The following USP40 variants were observed in gnomAD, a reference collection of about 807,000 sequenced individuals.
The protein encoded by USP40 is ubiquitin carboxyl-terminal hydrolase 40.
A neutral mutation model predicts 166.2 loss-of-function variants in USP40; 143 were observed. That is an observed-to-expected ratio of 0.86 (90% CI 0.75 to 0.99). The LOEUF (loss-of-function observed/expected upper bound fraction) is 0.99, where lower values mean the gene tolerates loss of function less well. USP40 is among the 50% of genes least tolerant of loss of function. The probability of loss-of-function intolerance (pLI) is 0.00; values close to 1 mark genes in which losing one functional copy is unlikely to be tolerated. For synonymous variants in USP40, 498 were observed against 524.0 expected (o/e 0.95, Z 0.68); for missense variants, 1,444 against 1,479.7 (o/e 0.98, Z 0.40).
intron 24 of USP40, 53 bp downstream of exon 24, chr2:233,496,705 A>C: frequency 6.8e-7 from 1 of 1,476,628 alleles, no homozygotes; most frequent in Non-Finnish European, 9.4e-7. Context: ...TCATCTCTGT[A>C]ATCAGATAAC....
At chr2:233,528,641 T>A (rs2068242670) in intron 12 of USP40, among the ~76,000 whole-genome samples, 2 of 152,236 alleles carry the variant, frequency 1.3e-5, no homozygotes, top group South Asian at 4.1e-4. Context: ...TTAAGATATT[T>A]CGCTCTGTTA....
chr2:233,523,251 T>C lies in USP40; in HGVS notation c.2120A>G (p.Glu707Gly), dbSNP rs1263067735. 3 of 1,613,888 alleles carry C rather than the reference T, an allele frequency of 1.9e-6. No individual in the cohort carries two copies. The African/African-American group carries it at 4.0e-5, about 22-fold the overall frequency. Residue 707 changes from glutamate to glycine, a missense_variant, in exon 16 of 32, where the codon GAA becomes GGA. Transcript: ENST00000678225. Reference protein sequence around the residue: ...GGEGWTAIPKEDMRKTFREQG... With the variant: ...GGEGWTAIPKGDMRKTFREQG... ...CTCCCTGAACGTCTTCCTCATGTCT[T>C]CCTTGGGGATGGCCGTCCAACCCTC...
rs192761868 is a variant in USP40, at chr2:233,556,024, G to A, written c.546+831C>T. On this transcript the variant is annotated intron_variant, in intron 5 of 31. Transcript: ENST00000678225. ...CCAGCTACTCGGGAGGCTAAGGCAG[G>A]AGAATGGCGTGAACCCGGGAGGTGG... Among the ~76,000 whole-genome samples, 427 of 151,550 alleles carry A rather than the reference G, an allele frequency of 2.8e-3. 3 individuals are homozygous for A. Among genetic ancestry groups the A allele is most frequent in the African/African-American group, 9.4e-3 (389 of 41,320 alleles).
chr2:233,539,223 A>AT (rs1010334750), intron 10 of USP40, among the ~76,000 whole-genome samples: 9 of 151,314 alleles, frequency 5.9e-5, no homozygotes, highest in African/African-American at 1.7e-4. Flanking sequence ...AAAAAAAAAA[A>AT]TAAGAAGAAT....
At chr2:233,495,516 T>C (rs1187651559) in intron 24 of USP40, among the ~76,000 whole-genome samples, 2 of 152,104 alleles carry the variant, frequency 1.3e-5, no homozygotes, top group African/African-American at 4.8e-5. Context: ...ATTGGCCTCC[T>C]AAAGTACTGG....
At chr2:233,525,703 A>G in intron 13 of USP40, 141 bp from the exon 14 acceptor site, 2 of 565,606 alleles carry the variant, frequency 3.5e-6, no homozygotes, top group Non-Finnish European at 6.1e-6. Context: ...CCAACACCGA[A>G]AACTTGAAAA....
intron 3 of USP40, chr2:233,561,019 A>G (rs1177100669): frequency 1.9e-6 from 2 of 1,052,636 alleles, no homozygotes; most frequent in Non-Finnish European, 2.9e-6. Flanking sequence ...CATAGGGTAT[A>G]GGCCAAGTCA....
intron 8 of USP40, among the ~76,000 whole-genome samples, chr2:233,544,906 C>T (rs758161255): frequency 2.0e-5 from 3 of 152,148 alleles, no homozygotes; most frequent in Non-Finnish European, 2.9e-5. Context: ...GTCCCAAATT[C>T]ATACTAGCTG....
chr2:233,510,240 T>A, intron 20 of USP40, 105 bp from the exon 21 acceptor site: 1 of 793,216 alleles, frequency 1.3e-6, no homozygotes, highest in Non-Finnish European at 2.0e-6. Context: ...CATGAAACTT[T>A]AACAAAAAAT....
At chr2:233,485,738 A>G (rs528366848) in intron 29 of USP40, 29 bp downstream of exon 29, 5 of 1,610,708 alleles carry the variant, frequency 3.1e-6, no homozygotes, top group South Asian at 2.2e-5. Flanking sequence ...GTAAGCCCCA[A>G]TTTCTCTGAG....
rs2072200306 is a variant in USP40, at chr2:233,566,768, G to T, written c.-104C>A. ...TGGGCGCCGCCATGTTGGCGAGGGC[G>T]GGTCTCCAGAAAGTGATTTATGGAT... is the stretch of plus-strand genomic sequence containing the variant. On this transcript the variant is annotated 5_prime_UTR_variant, in exon 1 of 32. Transcript: ENST00000678225. 2.0e-6 allele frequency: 2 copies of T among 985,948 alleles called. No homozygotes were observed. Among genetic ancestry groups the T allele is most frequent in the Non-Finnish European group, 2.4e-6 (2 of 829,956 alleles). 61.1% of individuals were successfully genotyped at this position (985,948 alleles called of 1,614,324 possible). A position where few individuals can be genotyped will look rare whatever the true frequency, so the allele number is the denominator to read the frequency against.
At chr2:233,554,247 G>T in intron 6 of USP40, 133 bp downstream of exon 6, 2 of 961,476 alleles carry the variant, frequency 2.1e-6, no homozygotes, top group Non-Finnish European at 1.4e-6. Flanking sequence ...TTAAAATACA[G>T]AAAATGATGT....
At chr2:233,511,824 A>C (rs2066862916) in intron 19 of USP40, 27 bp from the exon 20 acceptor site, 1 of 1,531,526 alleles carries the variant, frequency 6.5e-7, no homozygotes, top group Admixed American at 1.9e-5. Context: ...TAATATGATG[A>C]AGGTTATTAA....
chr2:233,483,096 C>T (rs1328346125), intron 30 of USP40, among the ~76,000 whole-genome samples: 2 of 152,208 alleles, frequency 1.3e-5, no homozygotes, highest in African/African-American at 4.8e-5. Flanking sequence ...TTGTGACTTC[C>T]CTTTTCACTG....
chr2:233,565,087 G>A (rs1360252306), intron 2 of USP40, among the ~76,000 whole-genome samples: 1 of 152,084 alleles, frequency 6.6e-6, no homozygotes, highest in African/African-American at 2.4e-5. Flanking sequence ...TTGTCTTTAC[G>A]TTGTACTTTA....
Position 233,519,607 on chromosome 2 carries a change from T to C in USP40, c.2383+7A>G, listed in dbSNP as rs1377608011. 7.0e-7 allele frequency: 1 copy of C among 1,434,532 alleles called. No homozygotes were observed. The highest frequency in any genetic ancestry group is 9.6e-7 in the Non-Finnish European group (1 of 1,046,206). 88.9% of individuals were successfully genotyped at this position (1,434,532 alleles called of 1,614,324 possible). On this transcript the variant is annotated splice_region_variant and intron_variant, in intron 18 of 31. Coordinates refer to ENST00000678225, the MANE Select transcript of USP40 (RefSeq NM_001365479.2). ...CTAAGAACCGAAAAGAAAATGTAAA[T>C]GATTACCTAGTTCCTTCATTAATTT... is the stretch of plus-strand genomic sequence containing the variant.
chr2:233,511,886 T>A, intron 19 of USP40, 89 bp from the exon 20 acceptor site: 1 of 1,028,334 alleles, frequency 9.7e-7, no homozygotes, highest in Non-Finnish European at 1.4e-6. Context: ...TCTTTGAAAA[T>A]CAAGAATATC....
chr2:233,497,349 G>T (rs1455382297), intron 23 of USP40, among the ~76,000 whole-genome samples: 1 of 152,186 alleles, frequency 6.6e-6, no homozygotes, highest in Non-Finnish European at 1.5e-5. Context: ...TTTCTGAGGA[G>T]ATTTTCCAGA....
At position 233,542,788 on chromosome 2, in the gene USP40, A is replaced by T. The variant is rs1203538768; in HGVS notation, c.967-425T>A. ...TTTGAATTCCAGCTCCTGGTTGAGC[A>T]ATCCTGGACAATTTACTTCATCTCT... On this transcript the variant is annotated intron_variant, in intron 8 of 31. Transcript: ENST00000678225. Among the ~76,000 whole-genome samples, 4 of 152,218 alleles carry T rather than the reference A, an allele frequency of 2.6e-5. No individual in the cohort carries two copies. In the East Asian group the frequency reaches 5.8e-4, roughly 22 times the overall value.
Sources: gnomAD v4.1 joint callset for allele counts (sites outside exome capture counted in the v4.1 genomes callset) on GRCh38, gnomAD v4.1.1 for gene constraint, MANE v1.5 for transcripts, NCBI Gene and HGNC (gene_info 2026-07-23, HGNC 2026-07-21) for gene names.